Variants in TMEM132D observed in about 807,000 individuals in gnomAD.
TMEM132D encodes transmembrane protein 132D.
A neutral mutation model predicts 62.3 loss-of-function variants in TMEM132D; 21 were observed. The observed-to-expected ratio is 0.34, with a 90% confidence interval of 0.24 to 0.49. TMEM132D has a LOEUF of 0.49. Among genes scored for constraint, TMEM132D ranks in the 20% least tolerant of loss-of-function variants. The pLI is 0.99. For synonymous variants in TMEM132D, 621 were observed against 575.6 expected (o/e 1.08, Z -1.13); for missense variants, 1,346 against 1,402.8 (o/e 0.96, Z 0.65).
At chr12:129,145,464 T>A (rs1876868899) in intron 5 of TMEM132D, among the ~76,000 whole-genome samples, 1 of 152,034 alleles carries the variant, frequency 6.6e-6, no homozygotes, top group Non-Finnish European at 1.5e-5. Flanking sequence ...CGGACTTCTG[T>A]CAGATGTGAA....
chr12:129,428,429 T>C (rs1319284374), intron 3 of TMEM132D, among the ~76,000 whole-genome samples: 2 of 152,236 alleles, frequency 1.3e-5, no homozygotes, highest in Non-Finnish European at 2.9e-5. Context: ...GATTCCAATT[T>C]GCATTTTTCT....
At chr12:129,268,425 C>T (rs1880756847) in intron 4 of TMEM132D, among the ~76,000 whole-genome samples, 1 of 152,164 alleles carries the variant, frequency 6.6e-6, no homozygotes, top group Admixed American at 6.5e-5. Flanking sequence ...CCAAAAAACA[C>T]ATGAAAAAAT....
chr12:129,677,760 C>T (rs1051426832), intron 2 of TMEM132D, among the ~76,000 whole-genome samples: 2 of 151,848 alleles, frequency 1.3e-5, no homozygotes, highest in South Asian at 2.1e-4. Flanking sequence ...GATGTCCCTG[C>T]GTGACCCTCC....
chr12:129,248,366 A>C (rs912644969), intron 4 of TMEM132D, among the ~76,000 whole-genome samples: 2 of 152,224 alleles, frequency 1.3e-5, no homozygotes, highest in African/African-American at 2.4e-5. Flanking sequence ...TCTTCCTTGC[A>C]AGTAAAATAT....
At chr12:129,387,675 C>T (rs1871150584) in intron 3 of TMEM132D, among the ~76,000 whole-genome samples, 1 of 152,150 alleles carries the variant, frequency 6.6e-6, no homozygotes, top group African/African-American at 2.4e-5. Flanking sequence ...CTAACACCAA[C>T]ACCAATACTA....
chr12:129,835,500 A>G (rs1305554907), intron 1 of TMEM132D, among the ~76,000 whole-genome samples: 1 of 152,140 alleles, frequency 6.6e-6, no homozygotes, highest in East Asian at 1.9e-4. Context: ...CATGTTGTCC[A>G]GGCTAGTCTC....
At chr12:129,178,265 A>G (rs1877963225) in intron 5 of TMEM132D, among the ~76,000 whole-genome samples, 1 of 152,278 alleles carries the variant, frequency 6.6e-6, no homozygotes, top group Admixed American at 6.5e-5. Context: ...GGAATGATTT[A>G]TATTCCTCTG....
intron 5 of TMEM132D, among the ~76,000 whole-genome samples, chr12:129,194,580 A>G (rs1187642749): frequency 2.6e-5 from 4 of 152,224 alleles, no homozygotes; most frequent in African/African-American, 4.8e-5. Context: ...CCTACGTAAC[A>G]AACCTTCACG....
At chr12:129,713,527 C>T (rs2137238212) in intron 1 of TMEM132D, among the ~76,000 whole-genome samples, 1 of 152,134 alleles carries the variant, frequency 6.6e-6, no homozygotes, top group Non-Finnish European at 1.5e-5. Flanking sequence ...AAACCATAAC[C>T]AGCCAGACAC....
At chr12:129,211,186 A>C (rs1413491917) in intron 4 of TMEM132D, 1 of 152,248 alleles carries the variant, frequency 6.6e-6, no homozygotes, top group Non-Finnish European at 1.5e-5. Context: ...GTTTCAGCTC[A>C]TTACATTCCA....
chr12:129,406,536 C>G (rs571066903), intron 3 of TMEM132D, among the ~76,000 whole-genome samples: 3 of 151,420 alleles, frequency 2.0e-5, no homozygotes, highest in Non-Finnish European at 4.4e-5. Flanking sequence ...AGGAGAATGG[C>G]GTGAACCCGG....
chr12:129,550,559 C>A (rs2137105355), intron 2 of TMEM132D, among the ~76,000 whole-genome samples: 1 of 152,282 alleles, frequency 6.6e-6, no homozygotes, highest in South Asian at 2.1e-4. Context: ...GCCAGGTGTT[C>A]CACTCTGTAC....
intron 2 of TMEM132D, among the ~76,000 whole-genome samples, chr12:129,630,226 T>C (rs1879318514): frequency 6.6e-6 from 1 of 152,208 alleles, no homozygotes; most frequent in South Asian, 2.1e-4. Flanking sequence ...CTAAGTTATA[T>C]GTCACGTGTG....
intron 2 of TMEM132D, among the ~76,000 whole-genome samples, chr12:129,631,200 G>T (rs909806511): frequency 5.9e-5 from 9 of 152,186 alleles, no homozygotes; most frequent in African/African-American, 2.2e-4. Context: ...GGAGCTGTCT[G>T]ACATCAAGAA....
intron 3 of TMEM132D, among the ~76,000 whole-genome samples, chr12:129,474,987 G>T (rs1359491984): frequency 1.3e-5 from 2 of 152,214 alleles, no homozygotes; most frequent in African/African-American, 2.4e-5. Flanking sequence ...GTGTGCCTGA[G>T]ATGGCCTGCT....
At position 129,584,622 on chromosome 12, in the gene TMEM132D, G is replaced by A. The variant is rs114804498; in HGVS notation, c.969-53417C>T. On this transcript the variant is annotated intron_variant, in intron 2 of 8. Coordinates refer to ENST00000422113, the MANE Select transcript of TMEM132D (RefSeq NM_133448.3). ...CGCACCTCTGCCATCCCAACGGAGA[G>A]CACTTCTTAGCTGGCCCATTGCTCT... Among the ~76,000 whole-genome samples, 595 of 152,322 alleles carry A rather than the reference G, an allele frequency of 3.9e-3. 2 individuals are homozygous for A. Among genetic ancestry groups the A allele is most frequent in the African/African-American group, 0.014 (570 of 41,564 alleles).
intron 5 of TMEM132D, among the ~76,000 whole-genome samples, chr12:129,090,699 G>T (rs1874879811): frequency 6.6e-6 from 1 of 151,944 alleles, no homozygotes; most frequent in South Asian, 2.1e-4. Context: ...AAAGAAAACG[G>T]GTTGCAGAAT....
intron 1 of TMEM132D, among the ~76,000 whole-genome samples, chr12:129,842,861 C>T (rs548670732): frequency 3.6e-4 from 55 of 152,278 alleles, no homozygotes; most frequent in African/African-American, 1.3e-3. Flanking sequence ...GACGAGTCAT[C>T]CTGTTTGCTT....
intron 3 of TMEM132D, among the ~76,000 whole-genome samples, chr12:129,487,652 G>A (rs553892326): frequency 4.6e-5 from 7 of 152,176 alleles, no homozygotes; most frequent in Non-Finnish European, 5.9e-5. Flanking sequence ...AGTCATGAGG[G>A]TTCTGCCCTC....
Sources: allele counts gnomAD v4.1 joint callset (sites outside exome capture counted in the v4.1 genomes callset), GRCh38; gene constraint gnomAD v4.1.1; transcripts MANE v1.5; gene names NCBI Gene and HGNC (gene_info 2026-07-23, HGNC 2026-07-21).